PTPN14: variants seen among roughly 807,000 people sequenced by gnomAD.
The protein encoded by PTPN14 is tyrosine-protein phosphatase non-receptor type 14.
PTPN14 carries 53 observed loss-of-function variants against 126.8 expected under a neutral mutation model. The observed-to-expected ratio is 0.42, with a 90% confidence interval of 0.34 to 0.53. PTPN14 has a LOEUF of 0.53. Among genes scored for constraint, PTPN14 ranks in the 20% least tolerant of loss-of-function variants. The pLI, the probability that PTPN14 is intolerant of heterozygous loss-of-function variation, is 0.08. For synonymous variants in PTPN14, 630 were observed against 599.3 expected (o/e 1.05, Z -0.75); for missense variants, 1,257 against 1,552.9 (o/e 0.81, Z 3.20).
intron 13 of PTPN14, among the ~76,000 whole-genome samples, chr1:214,379,907 G>A (rs113737795): frequency 0.18 from 27,320 of 152,094 alleles, 3,307 homozygotes; most frequent in Non-Finnish European, 0.26. Context: ...TCCTGAGGCT[G>A]TGTGACAGGT....
At chr1:214,421,241 A>C (rs1659537527) in intron 3 of PTPN14, among the ~76,000 whole-genome samples, 1 of 152,242 alleles carries the variant, frequency 6.6e-6, no homozygotes, top group African/African-American at 2.4e-5. Flanking sequence ...ATATTGATAC[A>C]TGCTGTAACA....
At chr1:214,445,109 G>C (rs112919896) in intron 3 of PTPN14, among the ~76,000 whole-genome samples, 60 of 152,182 alleles carry the variant, frequency 3.9e-4, no homozygotes, top group Non-Finnish European at 7.9e-4. Flanking sequence ...GGTGATAACT[G>C]CTAGGCAGTT....
At chr1:214,497,304 C>T (rs77923871) in intron 1 of PTPN14, among the ~76,000 whole-genome samples, 4,968 of 152,210 alleles carry the variant, frequency 0.033, 278 homozygotes, top group East Asian at 0.2. Flanking sequence ...CATTCAACCT[C>T]ACCATCAGGA....
At chr1:214,512,048 A>C (rs1165755125) in intron 1 of PTPN14, among the ~76,000 whole-genome samples, 1 of 152,024 alleles carries the variant, frequency 6.6e-6, no homozygotes, top group East Asian at 1.9e-4. Flanking sequence ...AGGGCTAGTC[A>C]ATTCTTAGAG....
At chr1:214,387,122 CAGTA>C (rs1420363338) in intron 11 of PTPN14, among the ~76,000 whole-genome samples, 200 bp from the exon 12 acceptor site, 1 of 152,162 alleles carries the variant, frequency 6.6e-6, no homozygotes, top group Non-Finnish European at 1.5e-5. Context: ...ACTGGAGAAA[CAGTA>C]AGGGAGAAAT....
intron 7 of PTPN14, among the ~76,000 whole-genome samples, chr1:214,398,789 C>T (rs967382687): frequency 1.4e-5 from 2 of 143,618 alleles, no homozygotes; most frequent in African/African-American, 2.6e-5. Context: ...TTTTTTGAGA[C>T]GTAGTCTCAC....
rs1657732789 is a variant in PTPN14 at position 214,352,952 on chromosome 1, G to C, written c.*4970C>G. ...CTAAGAGCCCAACAGTAATTATGTG[G>C]TGCTTCCGGAAATGTCTTACTCTAG... On this transcript the variant is annotated 3_prime_UTR_variant, in exon 19 of 19. Coordinates refer to ENST00000366956, the MANE Select transcript of PTPN14 (RefSeq NM_005401.5). 1.3e-5 allele frequency: 2 copies of C among 152,136 alleles called. No individual in the cohort carries two copies. Among genetic ancestry groups the C allele is most frequent in the Non-Finnish European group, 2.9e-5 (2 of 68,026 alleles). The allele number at this position is 152,136 out of a possible 1,614,324, so 9.4% of individuals were successfully genotyped here.
intron 1 of PTPN14, among the ~76,000 whole-genome samples, chr1:214,520,065 A>AAAAAAAAAAAAAATATATAT: frequency 1.4e-5 from 1 of 71,112 alleles, no homozygotes; most frequent in Non-Finnish European, 2.4e-5. Flanking sequence ...AAAAAAAAAA[A>AAAAAAAAAAAAAATATATAT]ATATATATAT....
Position 214,483,305 on chromosome 1 carries a change from T to C in PTPN14, c.-154-18348A>G, listed in dbSNP as rs1661041400. 4 of 1,613,494 alleles carry C rather than the reference T, an allele frequency of 2.5e-6. No individual in the cohort carries two copies. In the Middle Eastern group the frequency reaches 4.9e-4, roughly 199 times the overall value. ...GAAAGTCTCCCTGATGATTTGCTGT[T>C]GTGTATCTTCACTGTAGGGGCGGTA... On this transcript the variant is annotated intron_variant, in intron 1 of 18. Transcript: ENST00000366956.
intron 2 of PTPN14, among the ~76,000 whole-genome samples, chr1:214,464,420 G>T (rs1321607151): frequency 6.6e-6 from 1 of 152,188 alleles, no homozygotes; most frequent in Non-Finnish European, 1.5e-5. Flanking sequence ...ACGCCATGCA[G>T]CTCTAGGCGG....
intron 8 of PTPN14, among the ~76,000 whole-genome samples, chr1:214,396,758 A>T (rs17731174): frequency 2.2e-4 from 34 of 152,256 alleles, no homozygotes; most frequent in African/African-American, 7.9e-4. Context: ...GGTGTGCAAG[A>T]CTTGTTTACT....
chr1:214,408,475 C>A (rs1659219991), intron 5 of PTPN14, among the ~76,000 whole-genome samples: 1 of 152,172 alleles, frequency 6.6e-6, no homozygotes, highest in African/African-American at 2.4e-5. Context: ...AAAACCTAGT[C>A]TTATCTTTAC....
At chr1:214,516,415 C>G (rs1010911445) in intron 1 of PTPN14, among the ~76,000 whole-genome samples, 1 of 152,156 alleles carries the variant, frequency 6.6e-6, no homozygotes, top group Admixed American at 6.6e-5. Flanking sequence ...CATTGCTGTT[C>G]CCACTGAAAT....
chr1:214,379,237 C>T (rs1246186362), intron 13 of PTPN14, among the ~76,000 whole-genome samples: 3 of 152,172 alleles, frequency 2.0e-5, no homozygotes, highest in African/African-American at 4.8e-5. Flanking sequence ...GATGAAGAGC[C>T]ATTGAATCCT....
rs574631887 is a variant in PTPN14 at position 214,403,750 on chromosome 1, G to A, written c.511-797C>T. ...AGGAATAATCCAAAATAAGCAGACC[G>A]AAGCAATGCATTCTTGAGAAATTGA... is the stretch of plus-strand genomic sequence containing the variant. On this transcript the variant is annotated intron_variant, in intron 5 of 18. Coordinates refer to ENST00000366956, the MANE Select transcript of PTPN14 (RefSeq NM_005401.5). 8.4e-4 allele frequency among the ~76,000 whole-genome samples: 128 copies of A among 152,322 alleles called. 1 individual carries two copies. Among genetic ancestry groups the A allele is most frequent in the African/African-American group, 2.8e-3 (118 of 41,564 alleles).
chr1:214,489,632 T>C (rs10864107), intron 1 of PTPN14, among the ~76,000 whole-genome samples: 43,817 of 152,048 alleles, frequency 0.29, 6,832 homozygotes, highest in East Asian at 0.43. Context: ...CTCCCAGCAC[T>C]TGTCCCACTG....
chr1:214,481,259 C>T (rs1018546236), intron 1 of PTPN14, among the ~76,000 whole-genome samples: 2 of 152,028 alleles, frequency 1.3e-5, no homozygotes, highest in African/African-American at 2.4e-5. Flanking sequence ...TAATCCCCAG[C>T]ACTTTGGGAG....
intron 1 of PTPN14, among the ~76,000 whole-genome samples, chr1:214,489,960 T>C (rs944887203): frequency 6.6e-6 from 1 of 152,238 alleles, no homozygotes; most frequent in Non-Finnish European, 1.5e-5. Flanking sequence ...TCTGAGAGTT[T>C]AGATTTTGCA....
intron 1 of PTPN14, among the ~76,000 whole-genome samples, chr1:214,500,204 C>T (rs1368307727): frequency 1.3e-5 from 2 of 152,056 alleles, no homozygotes; most frequent in African/African-American, 2.4e-5. Context: ...GACATACCCA[C>T]ATGGGTCCAT....
Sources: allele counts gnomAD v4.1 joint callset (sites outside exome capture counted in the v4.1 genomes callset), GRCh38; gene constraint gnomAD v4.1.1; transcripts MANE v1.5; gene names NCBI Gene and HGNC (gene_info 2026-07-23, HGNC 2026-07-21).